The following STPG2 variants were observed in gnomAD, a reference collection of about 807,000 sequenced individuals.
STPG2 encodes the protein sperm-tail PG-rich repeat-containing protein 2.
STPG2 carries 56 observed loss-of-function variants against 54.2 expected under a neutral mutation model. That is an observed-to-expected ratio of 1.03 (90% CI 0.83 to 1.29). The LOEUF (loss-of-function observed/expected upper bound fraction) is 1.29, where lower values mean the gene tolerates loss of function less well. STPG2 is among the 50% of genes most tolerant of loss of function. The pLI is 0.00. For missense variants in STPG2, 596 were observed against 544.9 expected (o/e 1.09, Z -0.93); for synonymous variants, 200 against 181.8 (o/e 1.10, Z -0.81).
At chr4:98,069,569 G>A (rs1737939605) in intron 5 of STPG2, among the ~76,000 whole-genome samples, 1 of 151,946 alleles carries the variant, frequency 6.6e-6, no homozygotes, top group South Asian at 2.1e-4. Context: ...GAAAAATAGA[G>A]GCAAAAACGT....
intron 9 of STPG2, among the ~76,000 whole-genome samples, chr4:97,748,718 A>G (rs2149043856): frequency 6.6e-6 from 1 of 151,690 alleles, no homozygotes; most frequent in African/African-American, 2.4e-5. Context: ...TTCTAATAGA[A>G]TTTTTATCTA....
intron 10 of STPG2, among the ~76,000 whole-genome samples, chr4:97,563,553 C>T (rs1220541502): frequency 1.3e-5 from 2 of 152,116 alleles, no homozygotes; most frequent in Non-Finnish European, 2.9e-5. Flanking sequence ...TTGGATCTTT[C>T]CTGCTTTCTC....
intron 3 of STPG2, among the ~76,000 whole-genome samples, chr4:98,114,923 G>C (rs998040045): frequency 2.0e-5 from 3 of 147,014 alleles, no homozygotes; most frequent in African/African-American, 7.6e-5. Flanking sequence ...GAAAACAAAG[G>C]ATAAATTGAT....
intron 9 of STPG2, among the ~76,000 whole-genome samples, chr4:97,805,548 T>TGG (rs1357569176): frequency 6.6e-6 from 1 of 152,214 alleles, no homozygotes; most frequent in South Asian, 2.1e-4. Flanking sequence ...ATATGTTTGT[T>TGG]GGCCAATTGT....
At chr4:98,031,593 C>A (rs11730004) in intron 5 of STPG2, among the ~76,000 whole-genome samples, 1 of 151,654 alleles carries the variant, frequency 6.6e-6, no homozygotes, top group African/African-American at 2.4e-5. Context: ...GCTGAGGCAG[C>A]AGAATCGCTT....
rs886517115 is a variant in STPG2 at position 97,875,392 on chromosome 4, GA to G, written c.1045-34461del. Among the ~76,000 whole-genome samples, 59 of 143,424 alleles carry G rather than the reference GA, an allele frequency of 4.1e-4. 2 individuals carry two copies. The East Asian group carries it at 0.011, about 26-fold the overall frequency. The allele number at this position is 143,424 out of a possible 152,430, so 94.1% of individuals were successfully genotyped here. A position where few individuals can be genotyped will look rare whatever the true frequency, so the allele number is the denominator to read the frequency against. ...AAAGACCTCTGAAATGCTGGGCTAA[GA>G]AAAAAAAAGATCAGAGCCTAATGAC... On this transcript the variant is annotated intron_variant, in intron 8 of 10. Coordinates refer to ENST00000295268, the MANE Select transcript of STPG2 (RefSeq NM_174952.3).
At chr4:97,535,259 T>A (rs1731502689) in intron 4 of STPG2, among the ~76,000 whole-genome samples, 2 of 152,330 alleles carry the variant, frequency 1.3e-5, no homozygotes, top group South Asian at 4.1e-4. Flanking sequence ...AATTTATGAA[T>A]ATTCCAGTTG....
intron 5 of STPG2, among the ~76,000 whole-genome samples, chr4:98,030,913 A>G (rs1209999350): frequency 6.6e-6 from 1 of 152,184 alleles, no homozygotes; most frequent in African/African-American, 2.4e-5. Flanking sequence ...TTAAATTTTA[A>G]AATTCATATG....
At chr4:97,620,132 A>G (rs1455675249) in intron 10 of STPG2, among the ~76,000 whole-genome samples, 1 of 152,114 alleles carries the variant, frequency 6.6e-6, no homozygotes, top group Admixed American at 6.5e-5. Context: ...CCACATTATT[A>G]TAATTTCTTA....
chr4:97,886,164 C>T (rs1203650156), intron 8 of STPG2, among the ~76,000 whole-genome samples: 5 of 152,094 alleles, frequency 3.3e-5, no homozygotes, highest in Admixed American at 1.3e-4. Flanking sequence ...GCATAGTACT[C>T]ATCTGGGAAA....
intron 9 of STPG2, among the ~76,000 whole-genome samples, chr4:97,771,558 A>G (rs1560521243): frequency 6.6e-6 from 1 of 152,174 alleles, no homozygotes; most frequent in Non-Finnish European, 1.5e-5. Context: ...GGTGGGACAT[A>G]GGTGAGCATA....
chr4:98,128,686 A>G (rs1739900730), intron 2 of STPG2, 94 bp from the exon 3 acceptor site: 2 of 1,018,810 alleles, frequency 2.0e-6, no homozygotes, highest in African/African-American at 3.3e-5. Flanking sequence ...CAACTATTAA[A>G]TATTGATTTA....
intron 3 of STPG2, among the ~76,000 whole-genome samples, chr4:98,122,474 G>A (rs527533116): frequency 6.6e-6 from 1 of 152,226 alleles, no homozygotes; most frequent in East Asian, 1.9e-4. Flanking sequence ...TTTGTATTTA[G>A]TTCTGTTTAC....
chr4:97,739,981 C>T (rs1022950202), intron 9 of STPG2, among the ~76,000 whole-genome samples: 17 of 151,904 alleles, frequency 1.1e-4, no homozygotes, highest in South Asian at 2.1e-4. Flanking sequence ...ACTGGCAAAC[C>T]GAATCCAGCA....
At chr4:97,504,113 T>C (rs922989810) in intron 4 of STPG2, among the ~76,000 whole-genome samples, 1 of 145,710 alleles carries the variant, frequency 6.9e-6, no homozygotes, top group Non-Finnish European at 1.5e-5. Flanking sequence ...AATAAATAAA[T>C]ATTTATTTAA....
At chr4:97,523,733 T>A (rs916762088) in intron 4 of STPG2, among the ~76,000 whole-genome samples, 1 of 151,998 alleles carries the variant, frequency 6.6e-6, no homozygotes, top group Non-Finnish European at 1.5e-5. Flanking sequence ...CCCTGTAAGC[T>A]GAAATAACTA....
chr4:97,644,860 C>G (rs191379454), intron 10 of STPG2, among the ~76,000 whole-genome samples: 1 of 152,068 alleles, frequency 6.6e-6, no homozygotes, highest in Admixed American at 6.6e-5. Flanking sequence ...ACCTTGCTTC[C>G]CTCTTCTCAA....
intron 4 of STPG2, among the ~76,000 whole-genome samples, chr4:97,460,728 A>T (rs1729641640): frequency 6.7e-6 from 1 of 150,268 alleles, no homozygotes; most frequent in African/African-American, 2.4e-5. Context: ...CCAGTCCTCC[A>T]AAACGCTCTT....
chr4:98,122,950 C>A (rs568459192), intron 3 of STPG2, among the ~76,000 whole-genome samples: 2 of 152,216 alleles, frequency 1.3e-5, no homozygotes, highest in African/African-American at 4.8e-5. Flanking sequence ...AGGAATTTAT[C>A]CATTTCTTCT....
Sources: allele counts gnomAD v4.1 joint callset (sites outside exome capture counted in the v4.1 genomes callset), GRCh38; gene constraint gnomAD v4.1.1; transcripts MANE v1.5; gene names NCBI Gene and HGNC (gene_info 2026-07-23, HGNC 2026-07-21).